The following UQCC1 variants were observed in gnomAD, a reference collection of about 807,000 sequenced individuals.
The protein encoded by UQCC1 is bFGF-repressed Zic-binding protein.
UQCC1 carries 38 observed loss-of-function variants against 48.0 expected under a neutral mutation model. The ratio of observed to expected loss-of-function variants is 0.79; its 90% CI spans 0.61 to 1.04. The LOEUF (loss-of-function observed/expected upper bound fraction) is 1.04. Among genes scored for constraint, UQCC1 ranks in the 50% least tolerant of loss-of-function variants. UQCC1 has a pLI of 0.00. For synonymous variants in UQCC1, 111 were observed against 129.2 expected (o/e 0.86, Z 0.95); for missense variants, 368 against 381.8 (o/e 0.96, Z 0.30).
intron 7 of UQCC1, among the ~76,000 whole-genome samples, chr20:35,326,282 A>G (rs901826170): frequency 3.9e-5 from 6 of 152,232 alleles, no homozygotes; most frequent in Admixed American, 1.3e-4. Context: ...ACTTGCATGT[A>G]ATCAGACCTC....
intron 4 of UQCC1, among the ~76,000 whole-genome samples, chr20:35,378,976 G>A (rs2061835661): frequency 6.6e-6 from 1 of 152,056 alleles, no homozygotes; most frequent in African/African-American, 2.4e-5. Flanking sequence ...GTTCTTAACA[G>A]TTTCTGAAAT....
chr20:35,405,956 C>T (rs940072686), intron 1 of UQCC1, among the ~76,000 whole-genome samples: 2 of 152,022 alleles, frequency 1.3e-5, no homozygotes, highest in Non-Finnish European at 1.5e-5. Flanking sequence ...GACTGAACAG[C>T]AGATTTGAAC....
At chr20:35,319,176 G>C (rs2061095070) in intron 7 of UQCC1, among the ~76,000 whole-genome samples, 1 of 152,128 alleles carries the variant, frequency 6.6e-6, no homozygotes, top group African/African-American at 2.4e-5. Flanking sequence ...TTCAGTGACT[G>C]GTATTACTGA....
intron 2 of UQCC1, among the ~76,000 whole-genome samples, chr20:35,387,063 G>GT (rs2061952956): frequency 6.6e-6 from 1 of 151,856 alleles, no homozygotes; most frequent in African/African-American, 2.4e-5. Context: ...GGTTGCCTGA[G>GT]TCCAGGAGTT....
chr20:35,372,442 T>A (rs1260004901), intron 5 of UQCC1, among the ~76,000 whole-genome samples: 3 of 152,176 alleles, frequency 2.0e-5, no homozygotes, highest in Admixed American at 6.5e-5. Context: ...TCTTTCCAGG[T>A]TATGAATAAA....
chr20:35,359,927 T>C (rs735531), intron 6 of UQCC1, among the ~76,000 whole-genome samples: 79,399 of 151,800 alleles, frequency 0.52, 22,433 homozygotes, highest in East Asian at 0.71. Context: ...GCCTAACCCT[T>C]CTGGGGGGAG....
intron 1 of UQCC1, among the ~76,000 whole-genome samples, chr20:35,402,078 G>A (rs2062173051): frequency 6.6e-6 from 1 of 152,164 alleles, no homozygotes; most frequent in Admixed American, 6.6e-5. Flanking sequence ...CAGTTACAAT[G>A]TGGCATGCTA....
intron 8 of UQCC1, among the ~76,000 whole-genome samples, chr20:35,312,016 TG>T (rs1249779248): frequency 6.6e-6 from 1 of 152,122 alleles, no homozygotes; most frequent in African/African-American, 2.4e-5. Context: ...ATGGACTGGA[TG>T]GGGGACCGGA....
At chr20:35,320,063 A>G (rs958672093) in intron 7 of UQCC1, among the ~76,000 whole-genome samples, 4 of 152,188 alleles carry the variant, frequency 2.6e-5, no homozygotes, top group Non-Finnish European at 5.9e-5. Flanking sequence ...GCACAGATAC[A>G]TCATGCTGTC....
intron 8 of UQCC1, 120 bp downstream of exon 8, chr20:35,314,568 A>T: frequency 2.8e-6 from 2 of 713,016 alleles, no homozygotes. Context: ...GAAGAAATAA[A>T]TACTACGCCA....
intron 7 of UQCC1, among the ~76,000 whole-genome samples, chr20:35,338,882 A>ATATATATATATATAT (rs1568666102): frequency 1.7e-5 from 1 of 60,178 alleles, no homozygotes; most frequent in Non-Finnish European, 2.8e-5. Context: ...AAAAAAAAAA[A>ATATATATATATATAT]AAAAAAAAAA....
chr20:35,314,498 T>C (rs1025213316), intron 8 of UQCC1, among the ~76,000 whole-genome samples, 190 bp downstream of exon 8: 3 of 152,150 alleles, frequency 2.0e-5, no homozygotes, highest in Admixed American at 6.5e-5. Context: ...TTCCCAAACA[T>C]GTGGCATGTT....
chr20:35,328,328 C>T (rs889447444), intron 7 of UQCC1, among the ~76,000 whole-genome samples: 14 of 152,176 alleles, frequency 9.2e-5, no homozygotes, highest in African/African-American at 1.4e-4. Context: ...TTTTCCATCA[C>T]AACTATGCAA....
chr20:35,361,732 C>G (rs957255351), intron 6 of UQCC1, among the ~76,000 whole-genome samples: 1 of 152,178 alleles, frequency 6.6e-6, no homozygotes, highest in Non-Finnish European at 1.5e-5. Flanking sequence ...AGTTCTCTGA[C>G]TTCTCTAAGC....
intron 1 of UQCC1, among the ~76,000 whole-genome samples, chr20:35,399,711 G>C (rs1031909254): frequency 6.6e-6 from 1 of 151,876 alleles, no homozygotes; most frequent in Non-Finnish European, 1.5e-5. Context: ...ACAAAAATTA[G>C]CCGGGCGTGG....
intron 6 of UQCC1, among the ~76,000 whole-genome samples, chr20:35,358,909 A>G (rs1479344474): frequency 6.6e-6 from 1 of 152,192 alleles, no homozygotes; most frequent in Non-Finnish European, 1.5e-5. Context: ...TAAGCTTCAC[A>G]GTACTATCCT....
intron 6 of UQCC1, among the ~76,000 whole-genome samples, chr20:35,353,441 T>C (rs1449747650): frequency 6.6e-6 from 1 of 150,402 alleles, no homozygotes; most frequent in Non-Finnish European, 1.5e-5. Context: ...AAAGTATAAA[T>C]GTTACAGTAA....
At chr20:35,336,275 G>A (rs956291682) in intron 7 of UQCC1, among the ~76,000 whole-genome samples, 1 of 152,212 alleles carries the variant, frequency 6.6e-6, no homozygotes, top group Admixed American at 6.5e-5. Flanking sequence ...TGGTAGGTAG[G>A]CTGAATTTGG....
In UQCC1 at chr20:35,315,608, T is replaced by C. The variant is rs1030085691; in HGVS notation, c.574-843A>G. ...GAATGTTAAAGTTAAGAGATCATTT[T>C]GGCTGGGCAGTGGTTCATGCCTGTA... is the stretch of plus-strand genomic sequence containing the variant. On this transcript the variant is annotated intron_variant, in intron 7 of 9. Transcript: ENST00000374385. 1.7e-4 allele frequency among the ~76,000 whole-genome samples: 26 copies of C among 152,124 alleles called. 1 individual carries two copies.
Sources: gnomAD v4.1 joint callset for allele counts (sites outside exome capture counted in the v4.1 genomes callset) on GRCh38, gnomAD v4.1.1 for gene constraint, MANE v1.5 for transcripts, NCBI Gene and HGNC (gene_info 2026-07-23, HGNC 2026-07-21) for gene names.